Variants in ZNF385D observed in about 807,000 individuals in gnomAD.
ZNF385D encodes zinc finger protein 659.
A neutral mutation model predicts 35.8 loss-of-function variants in ZNF385D; 15 were observed. The observed-to-expected ratio is 0.42, with a 90% confidence interval of 0.28 to 0.64. The LOEUF (loss-of-function observed/expected upper bound fraction) is 0.64, where lower values mean the gene tolerates loss of function less well. ZNF385D is among the 30% of genes least tolerant of loss of function. The pLI, the probability that ZNF385D is intolerant of heterozygous loss-of-function variation, is 0.23. For synonymous variants in ZNF385D, 212 were observed against 186.8 expected (o/e 1.13, Z -1.10); for missense variants, 474 against 494.6 (o/e 0.96, Z 0.39).
intron 1 of ZNF385D, among the ~76,000 whole-genome samples, chr3:21,731,596 T>C (rs2068998016): frequency 6.6e-6 from 1 of 152,192 alleles, no homozygotes; most frequent in African/African-American, 2.4e-5. Context: ...TAATGTCATA[T>C]CCCTCATTAC....
At chr3:21,746,782 T>TA (rs1422605294) in intron 1 of ZNF385D, among the ~76,000 whole-genome samples, 1 of 152,200 alleles carries the variant, frequency 6.6e-6, no homozygotes, top group Non-Finnish European at 1.5e-5. Flanking sequence ...CTGAAACCAC[T>TA]AAAAAGGAAT....
At chr3:21,827,638 G>A (rs1481110777) in intron 3 of ZNF385D, among the ~76,000 whole-genome samples, 11 of 152,282 alleles carry the variant, frequency 7.2e-5, no homozygotes, top group South Asian at 4.1e-4. Flanking sequence ...AGTAGCCACA[G>A]CATCTTACAT....
chr3:21,950,258 A>G (rs1051479653), intron 3 of ZNF385D, among the ~76,000 whole-genome samples: 10 of 151,750 alleles, frequency 6.6e-5, no homozygotes, highest in Admixed American at 1.3e-4. Flanking sequence ...TCTAACTGGC[A>G]TGAGATGGTA....
chr3:22,149,728 C>G (rs929959818), intron 3 of ZNF385D, among the ~76,000 whole-genome samples: 2 of 152,156 alleles, frequency 1.3e-5, no homozygotes, highest in Admixed American at 1.3e-4. Context: ...TTGTATTTCT[C>G]TCCTTCCCAG....
At chr3:22,056,379 G>T (rs978253481) in intron 3 of ZNF385D, among the ~76,000 whole-genome samples, 3 of 151,766 alleles carry the variant, frequency 2.0e-5, no homozygotes, top group Non-Finnish European at 2.9e-5. Flanking sequence ...GTTAGTTTAG[G>T]GGCTGTCTAT....
intron 3 of ZNF385D, among the ~76,000 whole-genome samples, chr3:21,876,334 T>C (rs1320834232): frequency 6.6e-6 from 1 of 151,648 alleles, no homozygotes; most frequent in East Asian, 1.9e-4. Context: ...TCATTCAGCC[T>C]GGTCAAAACG....
intron 3 of ZNF385D, among the ~76,000 whole-genome samples, chr3:21,764,153 T>G (rs2070733869): frequency 1.3e-5 from 2 of 152,204 alleles, no homozygotes; most frequent in Middle Eastern, 3.4e-3. Flanking sequence ...CAGAAATTAG[T>G]CAGACAAAGA....
At chr3:21,731,059 A>G (rs1426546207) in intron 1 of ZNF385D, among the ~76,000 whole-genome samples, 1 of 152,204 alleles carries the variant, frequency 6.6e-6, no homozygotes, top group East Asian at 1.9e-4. Context: ...TTATTAGGGC[A>G]AAGAGTACAT....
chr3:21,714,853 A>G (rs1312889974), intron 1 of ZNF385D, among the ~76,000 whole-genome samples: 1 of 152,202 alleles, frequency 6.6e-6, no homozygotes, highest in African/African-American at 2.4e-5. Context: ...TTTATGATAT[A>G]TAGCATGATA....
Position 21,680,557 on chromosome 3 carries a change from T to G in ZNF385D, c.23-15529A>C, listed in dbSNP as rs77981270. ...ACTTCTTTTAGTGAGGAGCCACATG[T>G]GATGTTTAACTAATAATATCGGATA... is the stretch of plus-strand genomic sequence containing the variant. On this transcript the variant is annotated intron_variant, in intron 1 of 7. Coordinates refer to ENST00000281523, the MANE Select transcript of ZNF385D (RefSeq NM_024697.3). Among the ~76,000 whole-genome samples, 492 of 152,290 alleles carry G rather than the reference T, an allele frequency of 3.2e-3. 2 individuals are homozygous for G. The highest frequency in any genetic ancestry group is 0.011 in the African/African-American group (478 of 41,580).
intron 3 of ZNF385D, among the ~76,000 whole-genome samples, chr3:21,762,204 C>G (rs2125588401): frequency 6.6e-6 from 1 of 152,124 alleles, no homozygotes; most frequent in Non-Finnish European, 1.5e-5. Context: ...TTTCTAATAT[C>G]TTGAGGATAA....
At chr3:21,989,256 A>G (rs1299361317) in intron 3 of ZNF385D, among the ~76,000 whole-genome samples, 1 of 152,156 alleles carries the variant, frequency 6.6e-6, no homozygotes, top group East Asian at 1.9e-4. Context: ...AAGCTCAACC[A>G]ACTTGTTTCT....
intron 2 of ZNF385D, among the ~76,000 whole-genome samples, chr3:22,183,336 G>A (rs1695408711): frequency 6.6e-6 from 1 of 152,062 alleles, no homozygotes; most frequent in African/African-American, 2.4e-5. Flanking sequence ...TTCAGAGAAT[G>A]AGAAGTTATT....
chr3:21,918,228 C>T (rs1700288127), intron 3 of ZNF385D, among the ~76,000 whole-genome samples: 1 of 152,142 alleles, frequency 6.6e-6, no homozygotes, highest in African/African-American at 2.4e-5. Context: ...ATGGTCTATG[C>T]TCAGACAGTG....
At chr3:21,994,391 A>T (rs1285492348) in intron 3 of ZNF385D, among the ~76,000 whole-genome samples, 3 of 152,342 alleles carry the variant, frequency 2.0e-5, no homozygotes, top group East Asian at 3.9e-4. Flanking sequence ...TATGGGTTTT[A>T]AAAATCATAT....
chr3:21,705,488 G>A (rs919365211), intron 1 of ZNF385D, among the ~76,000 whole-genome samples: 10 of 152,126 alleles, frequency 6.6e-5, no homozygotes, highest in South Asian at 2.1e-4. Context: ...GAATTCTACC[G>A]TGTTGAAAAC....
intron 1 of ZNF385D, among the ~76,000 whole-genome samples, chr3:21,687,242 C>T (rs1422219943): frequency 2.0e-5 from 3 of 152,094 alleles, no homozygotes; most frequent in Non-Finnish European, 2.9e-5. Context: ...AGATAAATGC[C>T]GCTATATGAA....
chr3:22,080,794 T>G (rs532107591), intron 3 of ZNF385D, among the ~76,000 whole-genome samples: 1 of 152,024 alleles, frequency 6.6e-6, no homozygotes, highest in Non-Finnish European at 1.5e-5. Flanking sequence ...TGTTTGGGAT[T>G]AGTGGGTTTT....
chr3:22,232,347 T>A lies in ZNF385D; in HGVS notation c.107-63312A>T, dbSNP rs1033431187. On this transcript the variant is annotated intron_variant, in intron 2 of 5. Coordinates refer to the ZNF385D transcript ENST00000494108. ...TTTTTTTTTTTTCAAATTTCCTACTTGAACTTTGTATTTTTCTCTGAGAAT... is the reference window on the plus strand; with the variant it reads ...TTTTTTTTTTTTCAAATTTCCTACTAGAACTTTGTATTTTTCTCTGAGAAT... 5.5e-4 allele frequency among the ~76,000 whole-genome samples: 83 copies of A among 151,764 alleles called. 5 individuals are homozygous for A. Among genetic ancestry groups the A allele is most frequent in the Non-Finnish European group, 4.4e-5 (3 of 67,944 alleles).
Sources: gnomAD v4.1 joint callset for allele counts (sites outside exome capture counted in the v4.1 genomes callset) on GRCh38, gnomAD v4.1.1 for gene constraint, MANE v1.5 for transcripts, NCBI Gene and HGNC (gene_info 2026-07-23, HGNC 2026-07-21) for gene names.